Variants in TSHZ2 observed in about 807,000 individuals in gnomAD.
TSHZ2 encodes the protein teashirt zinc finger homeobox 2, also known as teashirt homolog 2.
Under a neutral mutation model 74.4 loss-of-function variants are expected in TSHZ2, and 21 were observed. The observed-to-expected ratio is 0.28, with a 90% CI of 0.20 to 0.41. The LOEUF is 0.41. TSHZ2 is among the 10% of genes least tolerant of loss of function. The pLI is 1.00. For missense variants in TSHZ2, 1,244 were observed against 1,293.5 expected, an observed-to-expected ratio of 0.96 and a Z score of 0.59; for synonymous variants, 540 against 515.3, an observed-to-expected ratio of 1.05 and a Z score of -0.65.
intron 1 of TSHZ2, among the ~76,000 whole-genome samples, chr20:53,177,220 G>A (rs544067173): frequency 6.6e-6 from 1 of 152,142 alleles, no homozygotes; most frequent in Non-Finnish European, 1.5e-5. Context: ...GCCTTACCAG[G>A]GGTAAAAGGA....
At position 53,137,069 on chromosome 20, in the gene TSHZ2, G is replaced by A. The variant is rs146491456; in HGVS notation, c.41-116430G>A. ...CTGCCTGTCCCTGTGTGGGGATGGC[G>A]CTTGGGTTCCGAAAAATTAAAATAC... On this transcript the variant is annotated intron_variant, in intron 1 of 2. Transcript: ENST00000371497. Among the ~76,000 whole-genome samples the A allele has an allele frequency of 4.6e-3, 695 of 152,174 alleles. 4 individuals carry two copies. The highest frequency in any genetic ancestry group is 8.4e-3 in the Non-Finnish European group (574 of 68,012).
At chr20:53,347,233 G>A (rs1980472937) in intron 2 of TSHZ2, among the ~76,000 whole-genome samples, 1 of 152,136 alleles carries the variant, frequency 6.6e-6, no homozygotes, top group African/African-American at 2.4e-5. Context: ...GTAAGTTGTT[G>A]AGAAGCATCT....
At chr20:53,090,626 A>G (rs1183225157) in intron 1 of TSHZ2, among the ~76,000 whole-genome samples, 1 of 152,206 alleles carries the variant, frequency 6.6e-6, no homozygotes, top group Admixed American at 6.5e-5. Flanking sequence ...AAAATGGAGC[A>G]GCTGACAGCA....
chr20:53,252,447 T>C (rs568121384), intron 1 of TSHZ2, among the ~76,000 whole-genome samples: 2 of 152,320 alleles, frequency 1.3e-5, no homozygotes, highest in East Asian at 3.9e-4. Flanking sequence ...TTTGGTTGCA[T>C]GTTATCTGCA....
chr20:53,154,561 C>G (rs1181678149), intron 1 of TSHZ2, among the ~76,000 whole-genome samples: 1 of 152,124 alleles, frequency 6.6e-6, no homozygotes, highest in Non-Finnish European at 1.5e-5. Context: ...AAATCAATTT[C>G]TGAAATATAT....
At chr20:53,386,640 C>T (rs1242470752) in intron 2 of TSHZ2, among the ~76,000 whole-genome samples, 1 of 152,158 alleles carries the variant, frequency 6.6e-6, no homozygotes, top group East Asian at 1.9e-4. Flanking sequence ...AAACGAATGC[C>T]CCGTTGCCTT....
intron 2 of TSHZ2, among the ~76,000 whole-genome samples, chr20:53,383,013 C>A (rs1981912182): frequency 6.6e-6 from 1 of 152,188 alleles, no homozygotes; most frequent in Non-Finnish European, 1.5e-5. Flanking sequence ...GTAATCCTAA[C>A]ACTTTGGGAG....
At chr20:53,424,763 C>A (rs1398732196) in intron 2 of TSHZ2, among the ~76,000 whole-genome samples, 1 of 152,136 alleles carries the variant, frequency 6.6e-6, no homozygotes, top group Non-Finnish European at 1.5e-5. Flanking sequence ...CCCTTCCACC[C>A]ATATGTCCAT....
intron 2 of TSHZ2, among the ~76,000 whole-genome samples, chr20:53,339,519 A>C (rs1980094254): frequency 6.6e-6 from 1 of 152,194 alleles, no homozygotes; most frequent in Admixed American, 6.5e-5. Context: ...GAGCTCTGTA[A>C]GGTGGCCACA....
intron 1 of TSHZ2, among the ~76,000 whole-genome samples, chr20:53,051,055 G>T (rs1448013472): frequency 6.6e-6 from 1 of 152,144 alleles, no homozygotes; most frequent in Non-Finnish European, 1.5e-5. Context: ...GAAGCATATT[G>T]TAGCTGGGCA....
chr20:53,442,189 C>T lies in TSHZ2; in HGVS notation c.*9-44955C>T, dbSNP rs117574894. On this transcript the variant is annotated intron_variant, in intron 2 of 2. Coordinates refer to ENST00000371497, the MANE Select transcript of TSHZ2 (RefSeq NM_173485.6). ...AGCAGGGAATGTATGAGTGTGTGTA[C>T]GTGTGTGTAAAGGAGACAGTTCTGT... 6.6e-5 allele frequency among the ~76,000 whole-genome samples: 10 copies of T among 152,182 alleles called. No individual in the cohort carries two copies. The East Asian group carries it at 1.4e-3, about 21-fold the overall frequency.
intron 2 of TSHZ2, among the ~76,000 whole-genome samples, chr20:53,292,664 A>G (rs988586650): frequency 2.5e-4 from 38 of 151,938 alleles, no homozygotes; most frequent in African/African-American, 8.9e-4. Flanking sequence ...TGCCCAGTCT[A>G]TAAACCACCT....
chr20:53,039,975 G>A lies in TSHZ2; in HGVS notation c.40+66642G>A, dbSNP rs1000704472. Among the ~76,000 whole-genome samples, 3 of 151,960 alleles carry A rather than the reference G, an allele frequency of 2.0e-5. No homozygotes were observed. In the South Asian group the frequency reaches 6.2e-4, roughly 32 times the overall value. ...ACAAAAATTAGCCAGGCGTGGAGGTGCAGGCCTGTAGCCCCAGCCACTCGG... is the reference window on the plus strand; with the variant it reads ...ACAAAAATTAGCCAGGCGTGGAGGTACAGGCCTGTAGCCCCAGCCACTCGG... On this transcript the variant is annotated intron_variant, in intron 1 of 2. Coordinates refer to ENST00000371497, the MANE Select transcript of TSHZ2 (RefSeq NM_173485.6).
chr20:53,001,224 GT>G (rs1982414881), intron 1 of TSHZ2, among the ~76,000 whole-genome samples: 1 of 147,740 alleles, frequency 6.8e-6, no homozygotes, highest in African/African-American at 2.5e-5. Context: ...GTGTGTGTGT[GT>G]GTGTGTGTGT....
intron 1 of TSHZ2, among the ~76,000 whole-genome samples, chr20:53,010,146 A>G (rs1159624799): frequency 6.6e-6 from 1 of 152,100 alleles, no homozygotes; most frequent in Non-Finnish European, 1.5e-5. Flanking sequence ...TTCAGGACCC[A>G]TTGCCTCAGG....
chr20:53,040,021 G>C (rs796649134), intron 1 of TSHZ2, among the ~76,000 whole-genome samples: 17 of 152,012 alleles, frequency 1.1e-4, no homozygotes, highest in African/African-American at 4.1e-4. Flanking sequence ...CAGGAGAATC[G>C]CTTGAACCCA....
At chr20:53,268,353 T>C (rs1990760824) in intron 2 of TSHZ2, among the ~76,000 whole-genome samples, 1 of 152,052 alleles carries the variant, frequency 6.6e-6, no homozygotes, top group East Asian at 1.9e-4. Context: ...AATTGAGAAA[T>C]TCAGATGTTC....
At chr20:53,285,730 AAG>A (rs750656875) in intron 2 of TSHZ2, among the ~76,000 whole-genome samples, 2 of 146,808 alleles carry the variant, frequency 1.4e-5, no homozygotes, top group Non-Finnish European at 3.0e-5. Context: ...AGAAAAAAAA[AAG>A]AAAGAAAGAA....
chr20:53,306,984 A>G (rs754329658), intron 2 of TSHZ2, among the ~76,000 whole-genome samples: 20 of 152,186 alleles, frequency 1.3e-4, no homozygotes, highest in Non-Finnish European at 2.2e-4. Flanking sequence ...ATTGCTGTCA[A>G]TTTATACATA....
Sources: allele counts gnomAD v4.1 joint callset (sites outside exome capture counted in the v4.1 genomes callset), GRCh38; gene constraint gnomAD v4.1.1; transcripts MANE v1.5; gene names NCBI Gene and HGNC (gene_info 2026-07-23, HGNC 2026-07-21).